DDX10: variants seen among roughly 807,000 people sequenced by gnomAD.
The protein encoded by DDX10 is probable ATP-dependent RNA helicase DDX10.
In DDX10, 74 loss-of-function variants were observed where a neutral mutation model predicts 104.3. The observed-to-expected ratio is 0.71, with a 90% CI of 0.59 to 0.86. The LOEUF is 0.86. DDX10 is among the 40% of genes least tolerant of loss of function. The pLI is 0.00. For synonymous variants in DDX10, 351 were observed against 353.4 expected (o/e 0.99, Z 0.08); for missense variants, 952 against 1,040.0 (o/e 0.92, Z 1.16).
chr11:108,924,458 A>ATATAATTAGGTGTT (rs1178620175), intron 17 of DDX10, among the ~76,000 whole-genome samples: 1 of 152,208 alleles, frequency 6.6e-6, no homozygotes, highest in Non-Finnish European at 1.5e-5. Context: ...CCACATCTAA[A>ATATAATTAGGTGTT]TATAATTAGG....
chr11:108,869,624 A>G (rs1043675265), intron 16 of DDX10, among the ~76,000 whole-genome samples: 1 of 152,112 alleles, frequency 6.6e-6, no homozygotes. Context: ...TGGATTATTC[A>G]TGTTTACAAG....
chr11:108,684,095 C>T (rs1204553576), intron 6 of DDX10, among the ~76,000 whole-genome samples: 1 of 131,638 alleles, frequency 7.6e-6, no homozygotes. Flanking sequence ...AATCTTTGGA[C>T]TCCTTGCTTT....
intron 13 of DDX10, among the ~76,000 whole-genome samples, chr11:108,815,946 G>C (rs570066718): frequency 6.2e-4 from 95 of 152,216 alleles, no homozygotes; most frequent in African/African-American, 2.2e-3. Flanking sequence ...ATTCAGGTCA[G>C]GTTTTTGTCC....
intron 13 of DDX10, among the ~76,000 whole-genome samples, chr11:108,806,161 C>G (rs930421355): frequency 6.6e-6 from 1 of 152,080 alleles, no homozygotes; most frequent in Non-Finnish European, 1.5e-5. Flanking sequence ...CGGGGTCTCT[C>G]CATGTTGGCT....
rs71476032 is a variant in DDX10, at chr11:108,846,820, A to AACCAGACCAGACCAGACCAG, written c.2248-5318_2248-5299dup. ...AAGGTTCTAACTGGTTTAGAGTACA[A>AACCAGACCAGACCAGACCAG]ACCAGACCAGACCAGACCAGACCAG... On this transcript the variant is annotated intron_variant, in intron 15 of 17. Transcript: ENST00000322536. Among the ~76,000 whole-genome samples the AACCAGACCAGACCAGACCAG allele has an allele frequency of 6.2e-3, 930 of 149,968 alleles. 7 individuals carry two copies. The highest frequency in any genetic ancestry group is 8.8e-3 in the Non-Finnish European group (594 of 67,422).
chr11:108,834,537 C>T, intron 13 of DDX10, among the ~76,000 whole-genome samples: 1 of 152,122 alleles, frequency 6.6e-6, no homozygotes, highest in East Asian at 1.9e-4. Flanking sequence ...ACTGCCATGA[C>T]CCCAGAAGGT....
intron 13 of DDX10, among the ~76,000 whole-genome samples, chr11:108,819,595 A>ATTTCTTTT (rs1483696648): frequency 6.6e-6 from 1 of 151,846 alleles, no homozygotes; most frequent in East Asian, 1.9e-4. Context: ...CCATATGCCT[A>ATTTCTTTT]TTTCTTTTTT....
intron 13 of DDX10, among the ~76,000 whole-genome samples, chr11:108,761,634 AT>A (rs1489895200): frequency 6.6e-6 from 1 of 152,072 alleles, no homozygotes; most frequent in African/African-American, 2.4e-5. Flanking sequence ...AGAGACAAGG[AT>A]TGTAGAAAAA....
chr11:108,870,257 C>T (rs1863062810), intron 16 of DDX10, among the ~76,000 whole-genome samples: 1 of 152,220 alleles, frequency 6.6e-6, no homozygotes, highest in African/African-American at 2.4e-5. Context: ...TAACAGTCTT[C>T]TAACTAGTCT....
chr11:108,825,717 C>T (rs959081096), intron 13 of DDX10, among the ~76,000 whole-genome samples: 2 of 152,090 alleles, frequency 1.3e-5, no homozygotes, highest in Admixed American at 6.6e-5. Flanking sequence ...ATTCATTGAC[C>T]ATTTTCATCA....
chr11:108,711,814 T>C (rs887020133), intron 10 of DDX10, among the ~76,000 whole-genome samples: 2 of 152,240 alleles, frequency 1.3e-5, no homozygotes, highest in Non-Finnish European at 2.9e-5. Context: ...AGATGGCTGT[T>C]GTGTCCAGTT....
At chr11:108,800,045 C>G (rs1451573916) in intron 13 of DDX10, among the ~76,000 whole-genome samples, 3 of 152,066 alleles carry the variant, frequency 2.0e-5, no homozygotes, top group Non-Finnish European at 1.5e-5. Context: ...TTAAGTGATT[C>G]TCCCACTTCA....
At chr11:108,740,361 C>T (rs2094323714) in intron 13 of DDX10, among the ~76,000 whole-genome samples, 1 of 152,114 alleles carries the variant, frequency 6.6e-6, no homozygotes, top group Admixed American at 6.6e-5. Context: ...TGTGTACATA[C>T]CACATTTTCT....
intron 13 of DDX10, among the ~76,000 whole-genome samples, chr11:108,810,991 G>A (rs1452816592): frequency 6.6e-6 from 1 of 151,786 alleles, no homozygotes; most frequent in Non-Finnish European, 1.5e-5. Flanking sequence ...ATTTTTCCTT[G>A]TCTATCTCCA....
chr11:108,740,790 T>C (rs1205487132), intron 13 of DDX10, among the ~76,000 whole-genome samples: 2 of 152,180 alleles, frequency 1.3e-5, no homozygotes, highest in Non-Finnish European at 2.9e-5. Context: ...TTTTGAAAAG[T>C]GTCTGGTCAT....
Position 108,679,422 on chromosome 11 carries a change from A to G in DDX10, c.710A>G (p.Asn237Ser). 10 of 1,611,656 alleles carry G rather than the reference A, an allele frequency of 6.2e-6. No individual in the cohort carries two copies. Among genetic ancestry groups the G allele is most frequent in the Non-Finnish European group, 8.5e-6 (10 of 1,179,624 alleles). ...ILDMGFADTM[N>S]AVIENLPKKR... ...GATATGGGCTTTGCTGATACCATGA[A>G]TGCTGTTATTGAAAATCTCCCCAAG... The change falls in exon 6 of 18, where the codon AAT (asparagine) becomes AGT (serine). Residue 237 changes from asparagine to serine, a missense_variant. Physicochemically the swap from Asn to Ser is conservative, Grantham distance 46. This residue lies in a region of DDX10 where 412 missense variants were observed against 479.2 expected (regional missense o/e 0.86). Transcript: ENST00000322536.
chr11:108,717,683 A>T (rs984260087), intron 11 of DDX10, among the ~76,000 whole-genome samples: 1 of 152,198 alleles, frequency 6.6e-6, no homozygotes, highest in Non-Finnish European at 1.5e-5. Flanking sequence ...GCAAATTATC[A>T]TTGGTGTGCT....
At chr11:108,848,691 T>A (rs564821684) in intron 15 of DDX10, among the ~76,000 whole-genome samples, 1 of 152,180 alleles carries the variant, frequency 6.6e-6, no homozygotes, top group Non-Finnish European at 1.5e-5. Flanking sequence ...AGACAAGTAT[T>A]CAGAATTACA....
intron 16 of DDX10, among the ~76,000 whole-genome samples, chr11:108,881,695 G>A (rs1474528037): frequency 2.6e-5 from 4 of 152,132 alleles, no homozygotes; most frequent in Admixed American, 2.6e-4. Flanking sequence ...GCTAATGAAA[G>A]CATTCTGCAC....
Sources: gnomAD v4.1 joint callset for allele counts (sites outside exome capture counted in the v4.1 genomes callset) on GRCh38, gnomAD v4.1.1 for gene constraint, gnomAD v4.1.1 regional missense constraint, MANE v1.5 for transcripts, NCBI Gene and HGNC (gene_info 2026-07-23, HGNC 2026-07-21) for gene names.